Variants in ROBO2 observed in about 807,000 individuals in gnomAD.
ROBO2 encodes the protein roundabout guidance receptor 2, also known as roundabout homolog 2.
In ROBO2, 53 loss-of-function variants were observed where a neutral mutation model predicts 160.8. The observed-to-expected ratio is 0.33, with a 90% CI of 0.26 to 0.41. The LOEUF (loss-of-function observed/expected upper bound fraction) is 0.41. Ranked by LOEUF, ROBO2 falls within the 10% of genes least tolerant of loss-of-function variation. The pLI, the probability that ROBO2 is intolerant of heterozygous loss-of-function variation, is 1.00. For missense variants in ROBO2, 1,577 were observed against 1,722.4 expected (o/e 0.92, Z 1.49); for synonymous variants, 664 against 611.7 (o/e 1.09, Z -1.26).
chr3:77,618,610 A>C (rs944121299), intron 22 of ROBO2, among the ~76,000 whole-genome samples: 1 of 152,054 alleles, frequency 6.6e-6, no homozygotes, highest in African/African-American at 2.4e-5. Flanking sequence ...TAAATTTTTT[A>C]AATAGTATTT....
intron 2 of ROBO2, among the ~76,000 whole-genome samples, chr3:77,294,971 CAA>C: frequency 6.8e-6 from 1 of 147,948 alleles, no homozygotes; most frequent in African/African-American, 2.5e-5. Context: ...GCTAGATCAC[CAA>C]AGACATAAAG....
chr3:77,576,494 A>AT (rs1431047905), intron 14 of ROBO2, among the ~76,000 whole-genome samples: 4 of 152,246 alleles, frequency 2.6e-5, no homozygotes, highest in East Asian at 1.9e-4. Context: ...TAATACTATG[A>AT]TTTTAACTAC....
chr3:76,351,217 A>G (rs991972497), intron 2 of ROBO2, among the ~76,000 whole-genome samples: 1 of 152,004 alleles, frequency 6.6e-6, no homozygotes, highest in African/African-American at 2.4e-5. Context: ...AATAGTAATC[A>G]TGTAATACAT....
At chr3:76,638,424 C>T (rs2090455975) in intron 2 of ROBO2, among the ~76,000 whole-genome samples, 1 of 152,094 alleles carries the variant, frequency 6.6e-6, no homozygotes, top group Admixed American at 6.5e-5. Flanking sequence ...TTCCTGTTAA[C>T]TCTAGCTCCA....
At chr3:77,410,882 C>A (rs2076745840) in intron 2 of ROBO2, among the ~76,000 whole-genome samples, 1 of 151,330 alleles carries the variant, frequency 6.6e-6, no homozygotes, top group Non-Finnish European at 1.5e-5. Flanking sequence ...TAGCTAGCTG[C>A]AGTCTTAAAC....
intron 2 of ROBO2, among the ~76,000 whole-genome samples, chr3:76,004,290 G>C (rs1025223555): frequency 6.6e-6 from 1 of 152,102 alleles, no homozygotes. Flanking sequence ...AGGCTACATA[G>C]TATATGATTC....
chr3:76,962,407 G>A lies in ROBO2; in HGVS notation c.110-135607G>A, dbSNP rs79546361. Among the ~76,000 whole-genome samples the A allele has an allele frequency of 9.2e-5, 14 of 152,130 alleles. No individual in the cohort carries two copies. The East Asian group carries it at 2.5e-3, about 27-fold the overall frequency. On this transcript the variant is annotated intron_variant, in intron 2 of 26. Transcript: ENST00000487694. ...TAATCCTAGCACTTTGGAAGGCTGA[G>A]GCAGGCAGATCACCTGAGGTCAGGA...
At chr3:77,065,162 C>G (rs116108466) in intron 1 of ROBO2, among the ~76,000 whole-genome samples, 326 of 152,300 alleles carry the variant, frequency 2.1e-3, no homozygotes, top group African/African-American at 7.5e-3. Flanking sequence ...CTATCACAGT[C>G]TTTTCCCAAG....
intron 1 of ROBO2, among the ~76,000 whole-genome samples, chr3:77,043,837 C>T (rs2064343747): frequency 6.6e-6 from 1 of 151,978 alleles, no homozygotes; most frequent in South Asian, 2.1e-4. Flanking sequence ...CTCATCTTTA[C>T]CCTTTAACTA....
At chr3:76,176,404 AGTT>A (rs2107057169) in intron 2 of ROBO2, among the ~76,000 whole-genome samples, 2 of 152,282 alleles carry the variant, frequency 1.3e-5, no homozygotes, top group South Asian at 4.1e-4. Context: ...ACAGCTTTCC[AGTT>A]GTTCATAGAA....
At chr3:77,108,284 A>C in intron 2 of ROBO2, among the ~76,000 whole-genome samples, 1 of 126,578 alleles carries the variant, frequency 7.9e-6, no homozygotes, top group South Asian at 2.6e-4. Context: ...ATATATATAT[A>C]TGTATACACA....
rs74315969 is a variant in ROBO2, at chr3:76,837,478, C to T, written c.110-260536C>T. Among the ~76,000 whole-genome samples, 53 of 151,218 alleles carry T rather than the reference C, an allele frequency of 3.5e-4. 1 individual carries two copies. The highest frequency in any genetic ancestry group is 2.3e-3 in the East Asian group (12 of 5,166). ...CCTTGAAGAGTTAAACCATTTAATA[C>T]GGTGTTCCTATCATTTTACATAGTT... is the stretch of plus-strand genomic sequence containing the variant. On this transcript the variant is annotated intron_variant, in intron 2 of 26. Transcript: ENST00000487694.
At chr3:77,200,550 G>A (rs536049095) in intron 2 of ROBO2, among the ~76,000 whole-genome samples, 3 of 151,722 alleles carry the variant, frequency 2.0e-5, no homozygotes, top group Admixed American at 6.6e-5. Context: ...GCAGGCTGAG[G>A]GTCCCATGAA....
At chr3:76,171,515 G>A (rs1478383794) in intron 2 of ROBO2, among the ~76,000 whole-genome samples, 4 of 151,940 alleles carry the variant, frequency 2.6e-5, no homozygotes, top group African/African-American at 9.7e-5. Context: ...ACTTTATAAT[G>A]ATTATGGTCA....
intron 2 of ROBO2, among the ~76,000 whole-genome samples, chr3:76,088,239 G>C (rs1327282490): frequency 6.6e-6 from 1 of 151,984 alleles, no homozygotes; most frequent in Non-Finnish European, 1.5e-5. Context: ...AAAACTGATA[G>C]GACTGCAAGG....
intron 2 of ROBO2, among the ~76,000 whole-genome samples, chr3:76,224,115 A>T (rs1162323351): frequency 1.3e-5 from 2 of 152,246 alleles, no homozygotes; most frequent in African/African-American, 2.4e-5. Flanking sequence ...ACATATCTAC[A>T]TATATCTTAT....
chr3:76,101,379 G>A (rs140043584), intron 2 of ROBO2, among the ~76,000 whole-genome samples: 183 of 152,134 alleles, frequency 1.2e-3, no homozygotes, highest in African/African-American at 4.1e-3. Context: ...GGGAGGGGAC[G>A]ATCACACTTT....
intron 2 of ROBO2, among the ~76,000 whole-genome samples, chr3:76,731,328 A>T (rs1171215419): frequency 6.6e-6 from 1 of 152,196 alleles, no homozygotes; most frequent in African/African-American, 2.4e-5. Flanking sequence ...ATGCCAAGGG[A>T]AGACACTGGG....
chr3:77,414,303 A>T (rs1322485554), intron 2 of ROBO2, among the ~76,000 whole-genome samples: 2 of 152,196 alleles, frequency 1.3e-5, no homozygotes, highest in Admixed American at 6.5e-5. Context: ...ATTTTCCTGG[A>T]GTGGTACAAG....
Sources: allele counts gnomAD v4.1 joint callset (sites outside exome capture counted in the v4.1 genomes callset), GRCh38; gene constraint gnomAD v4.1.1; transcripts MANE v1.5; gene names NCBI Gene and HGNC (gene_info 2026-07-23, HGNC 2026-07-21).